The following NLN variants were observed in gnomAD, a reference collection of about 807,000 sequenced individuals.
The protein encoded by NLN is neurolysin, mitochondrial.
NLN carries 64 observed loss-of-function variants against 79.9 expected under a neutral mutation model. That is an observed-to-expected ratio of 0.80 (90% CI 0.65 to 0.99). The LOEUF is 0.99. Among genes scored for constraint, NLN ranks in the 50% least tolerant of loss-of-function variants. The pLI, the probability that NLN is intolerant of heterozygous loss-of-function variation, is 0.00. For missense variants in NLN, 835 were observed against 858.7 expected, an observed-to-expected ratio of 0.97 and a Z score of 0.34; for synonymous variants, 267 against 296.6, an observed-to-expected ratio of 0.90 and a Z score of 1.02.
At chr5:65,765,501 A>G (rs570305273) in intron 3 of NLN, among the ~76,000 whole-genome samples, 1 of 152,094 alleles carries the variant, frequency 6.6e-6, no homozygotes, top group East Asian at 1.9e-4. Flanking sequence ...CTGGGCAACA[A>G]GAGCAAAACT....
intron 1 of NLN, among the ~76,000 whole-genome samples, chr5:65,740,292 T>G (rs1430965006): frequency 6.6e-6 from 1 of 152,158 alleles, no homozygotes; most frequent in Non-Finnish European, 1.5e-5. Context: ...TGAGGCACAC[T>G]GAGAACAAAA....
chr5:65,761,021 G>A (rs1043811960), intron 2 of NLN, among the ~76,000 whole-genome samples: 18 of 152,110 alleles, frequency 1.2e-4, no homozygotes, highest in African/African-American at 4.3e-4. Context: ...TATTCTCTGA[G>A]TCCATTATGC....
intron 9 of NLN, among the ~76,000 whole-genome samples, chr5:65,795,883 CTTATA>C (rs1440622487): frequency 6.6e-6 from 1 of 152,052 alleles, no homozygotes; most frequent in African/African-American, 2.4e-5. Flanking sequence ...TGGTATATTA[CTTATA>C]TTATCCAAAA....
In NLN at chr5:65,799,424, C is replaced by G. The variant is rs117124851; in HGVS notation, c.1527+6769C>G. On this transcript the variant is annotated intron_variant, in intron 9 of 12. Coordinates refer to ENST00000380985, the MANE Select transcript of NLN (RefSeq NM_020726.5). ...GAGAGGTTGAGGTCAAGAATGATAACAAGGGAAAATATCTTTGAGTTGTTT... is the reference window on the plus strand; with the variant it reads ...GAGAGGTTGAGGTCAAGAATGATAAGAAGGGAAAATATCTTTGAGTTGTTT... 1.2e-3 allele frequency among the ~76,000 whole-genome samples: 185 copies of G among 152,158 alleles called. No homozygotes were observed. In the East Asian group the frequency reaches 0.019, roughly 16 times the overall value.
rs527499308 is a variant in NLN at position 65,757,816 on chromosome 5, TA to T, written c.42-743del. On this transcript the variant is annotated intron_variant, in intron 1 of 12. Transcript: ENST00000380985. ...TTCTTAATTTACATGAAATTTTGGT[TA>T]AAAAAAATTGGTGTTCAGTATAAGA... is the stretch of plus-strand genomic sequence containing the variant. 1.8e-4 allele frequency among the ~76,000 whole-genome samples: 27 copies of T among 152,144 alleles called. No individual in the cohort carries two copies. The South Asian group carries it at 2.5e-3, about 14-fold the overall frequency.
In NLN at chr5:65,828,646, TG is replaced by T. The variant is rs1315220152; in HGVS notation, c.*5732del. 2 of 152,226 alleles carry T rather than the reference TG, an allele frequency of 1.3e-5. No individual in the cohort carries two copies. Among genetic ancestry groups the T allele is most frequent in the Non-Finnish European group, 2.9e-5 (2 of 68,042 alleles). The allele number at this position is 152,226 out of a possible 1,614,324, so 9.4% of individuals were successfully genotyped here. A position where few individuals can be genotyped will look rare whatever the true frequency, so the allele number is the denominator to read the frequency against. On this transcript the variant is annotated 3_prime_UTR_variant, in exon 13 of 13. Coordinates refer to ENST00000380985, the MANE Select transcript of NLN (RefSeq NM_020726.5). ...CGAGGAAGCTGTTTCTAATACTTTT[TG>T]TTGGTTAAAAATACATTCCGCTGCT...
At chr5:65,748,929 G>A (rs943380297) in intron 1 of NLN, among the ~76,000 whole-genome samples, 6 of 152,104 alleles carry the variant, frequency 3.9e-5, no homozygotes, top group Non-Finnish European at 2.9e-5. Flanking sequence ...CATGTGTCAT[G>A]GGAGGAACCC....
intron 9 of NLN, among the ~76,000 whole-genome samples, chr5:65,799,352 A>G (rs1760233920): frequency 6.6e-6 from 1 of 152,250 alleles, no homozygotes; most frequent in Non-Finnish European, 1.5e-5. Context: ...AATATTAAGT[A>G]AAATAATAAA....
At chr5:65,756,809 G>C (rs1208948691) in intron 1 of NLN, among the ~76,000 whole-genome samples, 1 of 152,110 alleles carries the variant, frequency 6.6e-6, no homozygotes, top group Non-Finnish European at 1.5e-5. Flanking sequence ...GGCCAAGGTT[G>C]GATGTTCTGA....
At chr5:65,798,872 G>T (rs779690333) in intron 9 of NLN, among the ~76,000 whole-genome samples, 1 of 152,060 alleles carries the variant, frequency 6.6e-6, no homozygotes, top group Non-Finnish European at 1.5e-5. Flanking sequence ...AGAGAGGGAT[G>T]TTTAGTTTTT....
At chr5:65,769,449 C>G (rs1020633487) in intron 3 of NLN, among the ~76,000 whole-genome samples, 44 of 152,056 alleles carry the variant, frequency 2.9e-4, no homozygotes, top group African/African-American at 1.1e-3. Context: ...GAAGGGATAC[C>G]CCATTCTCTG....
chr5:65,758,359 A>C (rs1352133402), intron 1 of NLN, among the ~76,000 whole-genome samples: 1 of 152,210 alleles, frequency 6.6e-6, no homozygotes, highest in Non-Finnish European at 1.5e-5. Flanking sequence ...GAATTATACA[A>C]ATTTCATTAA....
chr5:65,758,808 G>A lies in NLN; in HGVS notation c.283G>A (p.Val95Ile). 1 of 1,613,650 alleles carries A rather than the reference G, an allele frequency of 6.2e-7. No individual in the cohort carries two copies. The highest frequency in any genetic ancestry group is 1.1e-5 in the South Asian group (1 of 91,046). Residue 95 changes from valine to isoleucine, a missense_variant, in exon 2 of 13, where the codon GTA (valine) becomes ATA (isoleucine). Coordinates refer to ENST00000380985, the MANE Select transcript of NLN (RefSeq NM_020726.5). ...YENCLQALAD[V>I]EVKYIVERTM... The stretch of plus-strand genomic sequence containing the variant: ...GAACTGTCTGCAGGCACTGGCAGAT[G>A]TAGAAGTAAAGTATATAGGTGGGTC...
chr5:65,779,387 C>A (rs1265837202), intron 4 of NLN, among the ~76,000 whole-genome samples: 1 of 151,276 alleles, frequency 6.6e-6, no homozygotes. Context: ...TGGTTTCCTT[C>A]TTATTGCTTC....
chr5:65,770,026 T>C (rs1265276174), intron 3 of NLN, among the ~76,000 whole-genome samples: 5 of 152,186 alleles, frequency 3.3e-5, no homozygotes, highest in African/African-American at 1.2e-4. Context: ...TAAAATAAAA[T>C]TGAATGTCTT....
intron 1 of NLN, among the ~76,000 whole-genome samples, chr5:65,747,641 G>A (rs1003539509): frequency 2.0e-5 from 3 of 152,068 alleles, no homozygotes; most frequent in Non-Finnish European, 2.9e-5. Flanking sequence ...CCACCTATAT[G>A]TCCAAACTCT....
intron 12 of NLN, among the ~76,000 whole-genome samples, chr5:65,815,460 T>C (rs913768917): frequency 1.3e-5 from 2 of 152,244 alleles, no homozygotes; most frequent in African/African-American, 2.4e-5. Flanking sequence ...ACTTGTGATG[T>C]TGAAAACAAT....
chr5:65,763,095 T>C lies in NLN; in HGVS notation c.437T>C (p.Ile146Thr), dbSNP rs1046264188. 27 of 1,613,482 alleles carry C rather than the reference T, an allele frequency of 1.7e-5. No individual in the cohort carries two copies. Among genetic ancestry groups the C allele is most frequent in the Non-Finnish European group, 2.2e-5 (26 of 1,179,710 alleles). Residue 146 changes from isoleucine to threonine, a missense_variant, in exon 3 of 13, where the codon ATT becomes ACT. Physicochemically the swap from Ile to Thr is moderately conservative, Grantham distance 89. Transcript: ENST00000380985. ...MSMRGDIFER[I>T]VHLQETCDLG... Reference sequence around the variant, plus strand: ...ATGAGAGGAGATATATTTGAGAGAATTGTTCATTTACAGGTAAGTGGTGTT... The same window carrying C: ...ATGAGAGGAGATATATTTGAGAGAACTGTTCATTTACAGGTAAGTGGTGTT...
At chr5:65,733,909 T>C (rs1336071736) in intron 1 of NLN, among the ~76,000 whole-genome samples, 1 of 135,248 alleles carries the variant, frequency 7.4e-6, no homozygotes, top group Non-Finnish European at 1.6e-5. Context: ...TTTTCTTTTT[T>C]TTTTTTGAGA....
Sources: allele counts gnomAD v4.1 joint callset (sites outside exome capture counted in the v4.1 genomes callset), GRCh38; gene constraint gnomAD v4.1.1; transcripts MANE v1.5; gene names NCBI Gene and HGNC (gene_info 2026-07-23, HGNC 2026-07-21).